PTPRT: variants seen among roughly 807,000 people sequenced by gnomAD.
PTPRT encodes protein tyrosine phosphatase receptor type T, also known as receptor-type tyrosine-protein phosphatase T.
In PTPRT, 56 loss-of-function variants were observed where a neutral mutation model predicts 176.8. The ratio of observed to expected loss-of-function variants is 0.32; its 90% CI spans 0.26 to 0.40. The LOEUF (loss-of-function observed/expected upper bound fraction) is 0.40. Ranked by LOEUF, PTPRT falls within the 10% of genes least tolerant of loss-of-function variation. The pLI, the probability that PTPRT is intolerant of heterozygous loss-of-function variation, is 1.00. For synonymous variants in PTPRT, 783 were observed against 739.0 expected, an observed-to-expected ratio of 1.06 and a Z score of -0.96; for missense variants, 1,540 against 1,908.2, an observed-to-expected ratio of 0.81 and a Z score of 3.60.
intron 1 of PTPRT, among the ~76,000 whole-genome samples, chr20:42,909,992 T>C (rs1388529805): frequency 2.0e-5 from 3 of 152,244 alleles, no homozygotes; most frequent in Non-Finnish European, 2.9e-5. Flanking sequence ...CTTTTCTCCC[T>C]AGCAGCTTCT....
chr20:42,477,328 C>T (rs1215258776), intron 7 of PTPRT, among the ~76,000 whole-genome samples: 6 of 152,112 alleles, frequency 3.9e-5, no homozygotes. Flanking sequence ...TCTCTGACTC[C>T]ACAGTCCTTG....
intron 7 of PTPRT, among the ~76,000 whole-genome samples, chr20:42,600,171 ACT>A (rs2073751069): frequency 6.6e-6 from 1 of 151,738 alleles, no homozygotes; most frequent in African/African-American, 2.4e-5. Context: ...ATGGAGTCTC[ACT>A]CTGTCACCCC....
chr20:42,491,774 T>C (rs1380740197), intron 7 of PTPRT, among the ~76,000 whole-genome samples: 1 of 152,184 alleles, frequency 6.6e-6, no homozygotes, highest in Non-Finnish European at 1.5e-5. Flanking sequence ...TTCTAACATA[T>C]TGTGTTATAC....
At chr20:42,890,574 A>G (rs1339802891) in intron 1 of PTPRT, among the ~76,000 whole-genome samples, 1 of 152,208 alleles carries the variant, frequency 6.6e-6, no homozygotes, top group Admixed American at 6.5e-5. Context: ...AGTACAGGCT[A>G]GGGTGTCCTG....
chr20:42,535,986 A>G (rs111607802), intron 7 of PTPRT, among the ~76,000 whole-genome samples: 2,940 of 152,204 alleles, frequency 0.019, 90 homozygotes, highest in African/African-American at 0.068. Context: ...ATTAATAGGA[A>G]GCTTATGAGG....
In PTPRT at chr20:43,173,119, C is replaced by T. The variant is rs554233913; in HGVS notation, c.88+16527G>A. Among the ~76,000 whole-genome samples the T allele has an allele frequency of 2.6e-5, 4 of 152,194 alleles. No individual in the cohort carries two copies. In the East Asian group the frequency reaches 5.8e-4, roughly 22 times the overall value. On this transcript the variant is annotated intron_variant, in intron 1 of 30. Transcript: ENST00000373187. Reference sequence around the variant, plus strand: ...GAACTCCCGACCTCAGGTGATCCGCCGGAGAGCCTGCACTCTTCACCACCA... The same window carrying T: ...GAACTCCCGACCTCAGGTGATCCGCTGGAGAGCCTGCACTCTTCACCACCA...
At position 42,221,766 on chromosome 20, in the gene PTPRT, A is replaced by C. The variant is rs6102738; in HGVS notation, c.2342+14463T>G. On this transcript the variant is annotated intron_variant, in intron 15 of 30. Coordinates refer to ENST00000373187, the MANE Select transcript of PTPRT (RefSeq NM_007050.6). ...ATTCCTGACCTCAAGTGATCCACCC[A>C]CCCTGGCCTCCCAAAGTGCTGGGAT... Among the ~76,000 whole-genome samples the C allele has an allele frequency of 9.2e-3, 1,394 of 151,618 alleles. 24 individuals carry two copies. Among genetic ancestry groups the C allele is most frequent in the African/African-American group, 0.031 (1,282 of 41,350 alleles).
chr20:42,308,449 A>T (rs1473337146), intron 12 of PTPRT, among the ~76,000 whole-genome samples: 1 of 152,084 alleles, frequency 6.6e-6, no homozygotes, highest in African/African-American at 2.4e-5. Context: ...CAAAGTTAGG[A>T]AGGTGTGTGC....
chr20:42,291,548 G>T (rs184518640), intron 12 of PTPRT, among the ~76,000 whole-genome samples: 390 of 152,282 alleles, frequency 2.6e-3, no homozygotes, highest in Non-Finnish European at 3.9e-3. Flanking sequence ...AGTGCCAGGT[G>T]CTGTGCATGT....
chr20:42,980,983 C>T (rs1329902247), intron 1 of PTPRT, among the ~76,000 whole-genome samples: 3 of 152,164 alleles, frequency 2.0e-5, no homozygotes, highest in African/African-American at 4.8e-5. Context: ...CTTTCTCCAA[C>T]TTTTTAACCT....
intron 1 of PTPRT, among the ~76,000 whole-genome samples, chr20:43,164,863 A>C (rs921773756): frequency 6.6e-6 from 1 of 152,128 alleles, no homozygotes; most frequent in African/African-American, 2.4e-5. Flanking sequence ...AGATGTAAAA[A>C]CCTTTCTTAG....
chr20:42,563,399 A>G lies in PTPRT; in HGVS notation c.1154-90837T>C, dbSNP rs545909833. On this transcript the variant is annotated intron_variant, in intron 7 of 30. Coordinates refer to ENST00000373187, the MANE Select transcript of PTPRT (RefSeq NM_007050.6). ...GGTTTTGGGAAATTAGACCTCTCATATGCTCTTGGTAGAATTATAAATCAA... is the reference window on the plus strand; with the variant it reads ...GGTTTTGGGAAATTAGACCTCTCATGTGCTCTTGGTAGAATTATAAATCAA... 2.6e-5 allele frequency among the ~76,000 whole-genome samples: 4 copies of G among 152,334 alleles called. No individual in the cohort carries two copies. The East Asian group carries it at 7.7e-4, about 29-fold the overall frequency.
chr20:43,005,033 C>T (rs1038910908), intron 1 of PTPRT, among the ~76,000 whole-genome samples: 25 of 152,164 alleles, frequency 1.6e-4, no homozygotes, highest in Non-Finnish European at 2.6e-4. Context: ...TGAGGCTGAC[C>T]GTCTCAGAAC....
Position 42,189,674 on chromosome 20 carries a change from G to A in PTPRT, c.2491+9566C>T, listed in dbSNP as rs1253159926. On this transcript the variant is annotated intron_variant, in intron 16 of 30. Coordinates refer to ENST00000373187, the MANE Select transcript of PTPRT (RefSeq NM_007050.6). ...GTACTTCATTCCTTTGAAGGGTACCGTGGGACAAAACTAGAACGGTCGTGT... is the reference window on the plus strand; with the variant it reads ...GTACTTCATTCCTTTGAAGGGTACCATGGGACAAAACTAGAACGGTCGTGT... Among the ~76,000 whole-genome samples the A allele has an allele frequency of 3.3e-5, 5 of 152,266 alleles. No homozygotes were observed. In the East Asian group the frequency reaches 5.8e-4, roughly 18 times the overall value.
chr20:42,500,992 A>C (rs528180472), intron 7 of PTPRT, among the ~76,000 whole-genome samples: 53 of 152,278 alleles, frequency 3.5e-4, no homozygotes, highest in South Asian at 8.3e-4. Flanking sequence ...AAATACAAGC[A>C]GGTCATAAAT....
intron 2 of PTPRT, among the ~76,000 whole-genome samples, chr20:42,867,229 C>T (rs1032091998): frequency 5.5e-4 from 84 of 152,114 alleles, no homozygotes; most frequent in Admixed American, 1.2e-3. Flanking sequence ...AGGCTCTTGT[C>T]CCTTATCCTC....
In PTPRT at chr20:42,921,912, C is replaced by A. The variant is rs183909629; in HGVS notation, c.89-35980G>T. On this transcript the variant is annotated intron_variant, in intron 1 of 30. Coordinates refer to ENST00000373187, the MANE Select transcript of PTPRT (RefSeq NM_007050.6). ...TGGCTCCCTCCTCCTTTCTCAGATT[C>A]CACACAGCGTTCTCTCTTGCTTGTC... 1.6e-3 allele frequency among the ~76,000 whole-genome samples: 240 copies of A among 152,264 alleles called. 3 individuals carry two copies. Among genetic ancestry groups the A allele is most frequent in the African/African-American group, 5.6e-3 (234 of 41,560 alleles).
intron 8 of PTPRT, among the ~76,000 whole-genome samples, chr20:42,449,684 G>A (rs1158047052): frequency 6.6e-6 from 1 of 152,174 alleles, no homozygotes; most frequent in Non-Finnish European, 1.5e-5. Flanking sequence ...CTGTCTGTGA[G>A]TTTTAAAGCA....
chr20:43,036,254 A>G (rs1156777763), intron 1 of PTPRT, among the ~76,000 whole-genome samples: 1 of 152,168 alleles, frequency 6.6e-6, no homozygotes, highest in African/African-American at 2.4e-5. Context: ...CTCACTGTGT[A>G]TCACTGCCCC....
Sources: allele counts gnomAD v4.1 joint callset (sites outside exome capture counted in the v4.1 genomes callset), GRCh38; gene constraint gnomAD v4.1.1; transcripts MANE v1.5; gene names NCBI Gene and HGNC (gene_info 2026-07-23, HGNC 2026-07-21).